The following CNTNAP5 variants were observed in gnomAD, a reference collection of about 807,000 sequenced individuals.
The protein encoded by CNTNAP5 is contactin-associated protein-like 5.
In CNTNAP5, 72 loss-of-function variants were observed where a neutral mutation model predicts 150.2. The ratio of observed to expected loss-of-function variants is 0.48; its 90% confidence interval spans 0.40 to 0.58. CNTNAP5 has a LOEUF of 0.58. Among genes scored for constraint, CNTNAP5 ranks in the 20% least tolerant of loss-of-function variants. The pLI, the probability that CNTNAP5 is intolerant of heterozygous loss-of-function variation, is 0.00. For synonymous variants in CNTNAP5, 672 were observed against 619.8 expected, an observed-to-expected ratio of 1.08 and a Z score of -1.25; for missense variants, 1,636 against 1,626.2, an observed-to-expected ratio of 1.01 and a Z score of -0.10.
intron 3 of CNTNAP5, among the ~76,000 whole-genome samples, chr2:124,281,755 T>A (rs565987943): frequency 1.6e-4 from 25 of 152,096 alleles, no homozygotes; most frequent in Non-Finnish European, 2.9e-5. Context: ...GGCTTCAGGG[T>A]TGTTGCTGAC....
At chr2:124,416,515 T>C (rs1691921373) in intron 3 of CNTNAP5, among the ~76,000 whole-genome samples, 1 of 152,272 alleles carries the variant, frequency 6.6e-6, no homozygotes, top group African/African-American at 2.4e-5. Context: ...CAAGGAAATA[T>C]GTAAAAGAAC....
intron 19 of CNTNAP5, among the ~76,000 whole-genome samples, chr2:124,864,195 G>C (rs1251690916): frequency 5.3e-5 from 8 of 152,082 alleles, no homozygotes; most frequent in Admixed American, 4.6e-4. Flanking sequence ...TTTAAATATA[G>C]AATGTCTTTC....
chr2:124,737,726 A>G (rs1423622055), intron 13 of CNTNAP5, among the ~76,000 whole-genome samples: 1 of 152,140 alleles, frequency 6.6e-6, no homozygotes, highest in Non-Finnish European at 1.5e-5. Flanking sequence ...GGAGGCAAGC[A>G]TTTTACTTTT....
chr2:124,833,566 G>A (rs748490556), intron 19 of CNTNAP5, among the ~76,000 whole-genome samples: 5 of 152,184 alleles, frequency 3.3e-5, no homozygotes, highest in Non-Finnish European at 7.3e-5. Flanking sequence ...ATGGAATGAG[G>A]ACCTCACCTA....
chr2:124,343,592 A>G (rs1041663036), intron 3 of CNTNAP5, among the ~76,000 whole-genome samples: 2 of 152,182 alleles, frequency 1.3e-5, no homozygotes, highest in African/African-American at 4.8e-5. Context: ...AAAAGATTTC[A>G]AAAGCAAAAA....
At chr2:124,658,671 A>G (rs1678510164) in intron 13 of CNTNAP5, among the ~76,000 whole-genome samples, 1 of 152,230 alleles carries the variant, frequency 6.6e-6, no homozygotes, top group African/African-American at 2.4e-5. Flanking sequence ...GGTCATACAT[A>G]ACAAGTCAAG....
chr2:124,485,768 C>T (rs540125552), intron 7 of CNTNAP5, among the ~76,000 whole-genome samples: 1 of 152,104 alleles, frequency 6.6e-6, no homozygotes, highest in Admixed American at 6.5e-5. Flanking sequence ...ATGCAGATTC[C>T]CTGGGACTCC....
At chr2:124,721,518 T>TA (rs1553435299) in intron 13 of CNTNAP5, among the ~76,000 whole-genome samples, 11 of 149,548 alleles carry the variant, frequency 7.4e-5, no homozygotes, top group Admixed American at 2.0e-4. Context: ...AATACATAAA[T>TA]AAATATTAAA....
chr2:124,277,074 C>T (rs1396169838), intron 3 of CNTNAP5, among the ~76,000 whole-genome samples: 2 of 152,080 alleles, frequency 1.3e-5, no homozygotes, highest in Admixed American at 1.3e-4. Flanking sequence ...ATAAAATATT[C>T]CTTTCCCACA....
chr2:124,151,924 A>C (rs1665023125), intron 1 of CNTNAP5, among the ~76,000 whole-genome samples: 1 of 152,202 alleles, frequency 6.6e-6, no homozygotes, highest in African/African-American at 2.4e-5. Context: ...ACTGTTACTT[A>C]AGGAAATTAC....
intron 1 of CNTNAP5, among the ~76,000 whole-genome samples, chr2:124,029,237 A>T (rs1444411120): frequency 2.0e-5 from 3 of 152,122 alleles, no homozygotes; most frequent in African/African-American, 7.2e-5. Flanking sequence ...AAATAAGGAG[A>T]TGAACTATAC....
At chr2:124,790,919 A>T (rs1213916821) in intron 18 of CNTNAP5, among the ~76,000 whole-genome samples, 2 of 152,244 alleles carry the variant, frequency 1.3e-5, no homozygotes, top group Non-Finnish European at 2.9e-5. Flanking sequence ...TTCAAACATA[A>T]GGAAAAAGAT....
chr2:124,707,198 GAAGAAGAAT>G lies in CNTNAP5; in HGVS notation c.2078-40028_2078-40020del, dbSNP rs1169122233. Among the ~76,000 whole-genome samples the G allele has an allele frequency of 4.4e-4, 59 of 132,692 alleles. 8 individuals are homozygous for G. The highest frequency in any genetic ancestry group is 1.2e-3 in the African/African-American group (43 of 36,810). The allele number at this position is 132,692 out of a possible 152,430, so 87.1% of individuals were successfully genotyped here. On this transcript the variant is annotated intron_variant, in intron 13 of 23. Coordinates refer to ENST00000682447, the MANE Select transcript of CNTNAP5 (RefSeq NM_001367498.1). ...AGAAGAAGAAGAAGAAGAAGAAGAA[GAAGAAGAAT>G]AAACAACTTGGGATCATTCACTGAC...
At chr2:124,406,043 T>C (rs1251661971) in intron 3 of CNTNAP5, among the ~76,000 whole-genome samples, 2 of 152,238 alleles carry the variant, frequency 1.3e-5, no homozygotes, top group East Asian at 1.9e-4. Flanking sequence ...TTTATCACCA[T>C]GCAATTCAAA....
intron 13 of CNTNAP5, among the ~76,000 whole-genome samples, chr2:124,649,343 T>C (rs1280256441): frequency 6.6e-6 from 1 of 152,148 alleles, no homozygotes; most frequent in Admixed American, 6.5e-5. Flanking sequence ...TGTTTCTCTC[T>C]CCATGTCTGT....
intron 13 of CNTNAP5, among the ~76,000 whole-genome samples, chr2:124,651,592 C>T (rs1422662928): frequency 6.6e-6 from 1 of 152,162 alleles, no homozygotes; most frequent in African/African-American, 2.4e-5. Context: ...ACTCTTGCAA[C>T]CAAAATCTCC....
At chr2:124,674,547 C>CTTTCTTTT (rs1260530525) in intron 13 of CNTNAP5, among the ~76,000 whole-genome samples, 1 of 115,638 alleles carries the variant, frequency 8.6e-6, no homozygotes, top group Admixed American at 9.4e-5. Flanking sequence ...TTCTTTCTTT[C>CTTTCTTTT]TTTCTTCCTT....
chr2:124,834,599 G>A (rs955170721), intron 19 of CNTNAP5, among the ~76,000 whole-genome samples: 4 of 152,082 alleles, frequency 2.6e-5, no homozygotes, highest in African/African-American at 9.7e-5. Flanking sequence ...CTGGTGTGGT[G>A]TGATCTGTAA....
At chr2:124,831,794 T>C (rs939612056) in intron 19 of CNTNAP5, among the ~76,000 whole-genome samples, 1 of 151,820 alleles carries the variant, frequency 6.6e-6, no homozygotes, top group Non-Finnish European at 1.5e-5. Context: ...AAAGTTTATT[T>C]ACAAGTATTT....
Sources: gnomAD v4.1 joint callset for allele counts (sites outside exome capture counted in the v4.1 genomes callset) on GRCh38, gnomAD v4.1.1 for gene constraint, MANE v1.5 for transcripts, NCBI Gene and HGNC (gene_info 2026-07-23, HGNC 2026-07-21) for gene names.